The following NFKB1 variants were observed in gnomAD, a reference collection of about 807,000 sequenced individuals.
NFKB1 encodes the protein nuclear factor kappa B subunit 1, also known as nuclear factor NF-kappa-B p105 subunit.
In NFKB1, 9 loss-of-function variants were observed where a neutral mutation model predicts 105.1. That is an observed-to-expected ratio of 0.09 (90% CI 0.05 to 0.15). The LOEUF (loss-of-function observed/expected upper bound fraction) is 0.15, where lower values mean the gene tolerates loss of function less well. Among genes scored for constraint, NFKB1 ranks in the 10% least tolerant of loss-of-function variants. The pLI is 1.00. For synonymous variants in NFKB1, 440 were observed against 442.2 expected, an observed-to-expected ratio of 1.00 and a Z score of 0.06; for missense variants, 830 against 1,203.7, an observed-to-expected ratio of 0.69 and a Z score of 4.59.
chr4:102,542,518 C>CCT (rs911676214), intron 5 of NFKB1, among the ~76,000 whole-genome samples: 4 of 150,928 alleles, frequency 2.7e-5, no homozygotes, highest in South Asian at 2.1e-4. Flanking sequence ...CTCTCTCTGT[C>CCT]CTCTCTCTCT....
chr4:102,557,403 A>C (rs181155584), intron 5 of NFKB1, among the ~76,000 whole-genome samples: 1 of 152,314 alleles, frequency 6.6e-6, no homozygotes, highest in Admixed American at 6.5e-5. Context: ...ATGGGAGCCC[A>C]GATTCAGAGC....
At chr4:102,615,112 T>G (rs182295896) in intron 23 of NFKB1, among the ~76,000 whole-genome samples, 1 of 152,252 alleles carries the variant, frequency 6.6e-6, no homozygotes, top group Non-Finnish European at 1.5e-5. Flanking sequence ...GACGGTATGA[T>G]TCTTCTAAAA....
intron 5 of NFKB1, among the ~76,000 whole-genome samples, chr4:102,541,064 G>A (rs944451577): frequency 6.6e-6 from 1 of 152,112 alleles, no homozygotes. Context: ...ATTGACATTT[G>A]GGGCTTGAAA....
Position 102,606,552 on chromosome 4 carries a change from G to C in NFKB1, c.1809G>C (p.Leu603=), listed in dbSNP as rs754475311. 1 of 1,614,176 alleles carries C rather than the reference G, an allele frequency of 6.2e-7. No homozygotes were observed. The change falls in exon 17 of 24, where the codon CTG becomes CTC. Residue 603 remains leucine, a synonymous_variant. Coordinates refer to ENST00000226574, the MANE Select transcript of NFKB1 (RefSeq NM_003998.4). The part of the protein sequence containing the change: ...TKQEDVVEDL[L]RAGADLSLLD... ...AGGAAGATGTGGTGGAGGATTTGCT[G>C]AGGGCTGGGGCCGACCTGAGCCTTC...
intron 9 of NFKB1, among the ~76,000 whole-genome samples, chr4:102,582,045 A>G (rs763640405): frequency 5.9e-5 from 9 of 152,218 alleles, no homozygotes; most frequent in Non-Finnish European, 1.0e-4. Flanking sequence ...CCTAAGTTAC[A>G]TTGTCACATT....
intron 1 of NFKB1, among the ~76,000 whole-genome samples, chr4:102,520,482 T>C (rs1740493941): frequency 6.6e-6 from 1 of 152,242 alleles, no homozygotes; most frequent in Non-Finnish European, 1.5e-5. Context: ...AGGTACCTTA[T>C]CTTTACCAGC....
At chr4:102,614,556 G>A (rs1417220698) in intron 23 of NFKB1, among the ~76,000 whole-genome samples, 2 of 152,154 alleles carry the variant, frequency 1.3e-5, no homozygotes, top group African/African-American at 4.8e-5. Flanking sequence ...TTTCCAGCTT[G>A]CCACCTTCCA....
intron 5 of NFKB1, among the ~76,000 whole-genome samples, chr4:102,538,428 T>A (rs1014979550): frequency 6.6e-6 from 1 of 152,228 alleles, no homozygotes; most frequent in African/African-American, 2.4e-5. Flanking sequence ...CTTCAGTCTC[T>A]TAATGTATAA....
At chr4:102,605,639 C>T (rs537033255) in intron 16 of NFKB1, among the ~76,000 whole-genome samples, 11 of 152,272 alleles carry the variant, frequency 7.2e-5, no homozygotes, top group East Asian at 3.9e-4. Context: ...TTGCATTCAC[C>T]GAAGTAATAC....
chr4:102,508,518 A>G (rs1175905488), intron 1 of NFKB1, among the ~76,000 whole-genome samples: 1 of 152,186 alleles, frequency 6.6e-6, no homozygotes, highest in Admixed American at 6.5e-5. Flanking sequence ...CAATCTAGGA[A>G]ATAGGAAAAA....
chr4:102,572,474 A>G (rs1385690267), intron 6 of NFKB1, among the ~76,000 whole-genome samples: 4 of 152,220 alleles, frequency 2.6e-5, no homozygotes, highest in African/African-American at 9.7e-5. Context: ...CTTAAAGTAT[A>G]ATAAAAAATA....
chr4:102,606,862 T>G (rs969619357), intron 17 of NFKB1, among the ~76,000 whole-genome samples, 165 bp downstream of exon 17: 5 of 152,216 alleles, frequency 3.3e-5, no homozygotes, highest in African/African-American at 1.2e-4. Context: ...CAAAGCTAAT[T>G]TTTTTAAAGA....
intron 5 of NFKB1, among the ~76,000 whole-genome samples, chr4:102,547,815 C>G (rs1275790826): frequency 6.6e-6 from 1 of 151,964 alleles, no homozygotes; most frequent in Non-Finnish European, 1.5e-5. Context: ...GTATATTGAC[C>G]CCATATCCTT....
intron 4 of NFKB1, among the ~76,000 whole-genome samples, chr4:102,535,257 C>T (rs1377404151): frequency 6.6e-6 from 1 of 152,136 alleles, no homozygotes; most frequent in Non-Finnish European, 1.5e-5. Context: ...TGAAATTTGT[C>T]TGCATATGCC....
intron 1 of NFKB1, among the ~76,000 whole-genome samples, chr4:102,502,363 T>TC (rs1278498409): frequency 1.3e-5 from 1 of 75,784 alleles, no homozygotes; most frequent in African/African-American, 5.7e-5. Context: ...CTCTCCCCCC[T>TC]CCCCCCCTCC....
At chr4:102,508,920 A>G (rs1388259879) in intron 1 of NFKB1, among the ~76,000 whole-genome samples, 7 of 152,226 alleles carry the variant, frequency 4.6e-5, no homozygotes, top group East Asian at 1.9e-4. Flanking sequence ...GAGAAATACA[A>G]TGAGATAAAT....
intron 5 of NFKB1, among the ~76,000 whole-genome samples, chr4:102,547,687 A>G (rs1722245891): frequency 6.6e-6 from 1 of 152,188 alleles, no homozygotes; most frequent in Admixed American, 6.5e-5. Flanking sequence ...ATACACTACT[A>G]CAAATATTGA....
intron 5 of NFKB1, among the ~76,000 whole-genome samples, chr4:102,561,428 C>T (rs1723436264): frequency 6.6e-6 from 1 of 152,024 alleles, no homozygotes; most frequent in Non-Finnish European, 1.5e-5. Flanking sequence ...ATTCCTGAGA[C>T]CTCTCTTCTC....
At chr4:102,604,030 T>C (rs1578822176) in intron 16 of NFKB1, among the ~76,000 whole-genome samples, 1 of 152,240 alleles carries the variant, frequency 6.6e-6, no homozygotes, top group Non-Finnish European at 1.5e-5. Context: ...TTTTTATGTT[T>C]TTAATTATTA....
Sources: allele counts gnomAD v4.1 joint callset (sites outside exome capture counted in the v4.1 genomes callset), GRCh38; gene constraint gnomAD v4.1.1; transcripts MANE v1.5; gene names NCBI Gene and HGNC (gene_info 2026-07-23, HGNC 2026-07-21).